The following GALNT17 variants were observed in gnomAD, a reference collection of about 807,000 sequenced individuals.
GALNT17 encodes the protein polypeptide N-acetylgalactosaminyltransferase 17.
Under a neutral mutation model 63.7 loss-of-function variants are expected in GALNT17, and 29 were observed. The ratio of observed to expected loss-of-function variants is 0.46; its 90% CI spans 0.34 to 0.62. The LOEUF is 0.62. Ranked by LOEUF, GALNT17 falls within the 20% of genes least tolerant of loss-of-function variation. The probability of loss-of-function intolerance (pLI) is 0.01; values close to 1 mark genes in which losing one functional copy is unlikely to be tolerated. For missense variants in GALNT17, 603 were observed against 799.6 expected (o/e 0.75, Z 2.97); for synonymous variants, 305 against 318.3 (o/e 0.96, Z 0.45).
intron 5 of GALNT17, among the ~76,000 whole-genome samples, chr7:71,499,884 C>G (rs1201711951): frequency 6.6e-6 from 1 of 152,134 alleles, no homozygotes; most frequent in Non-Finnish European, 1.5e-5. Context: ...GTGGTTACCC[C>G]CATGCTGCTG....
At chr7:71,529,592 G>C (rs1788681154) in intron 5 of GALNT17, among the ~76,000 whole-genome samples, 2 of 152,238 alleles carry the variant, frequency 1.3e-5, no homozygotes, top group Admixed American at 1.3e-4. Context: ...GGGATACCAA[G>C]CTTCCATTTG....
At position 71,696,672 on chromosome 7, in the gene GALNT17, A is replaced by G. The variant is rs1047715837; in HGVS notation, c.1501-14089A>G. Among the ~76,000 whole-genome samples the G allele has an allele frequency of 3.9e-5, 6 of 152,182 alleles. No individual in the cohort carries two copies. In the South Asian group the frequency reaches 1.2e-3, roughly 32 times the overall value. On this transcript the variant is annotated intron_variant, in intron 9 of 10. Transcript: ENST00000333538. ...TGTATGTGTCTCTTAGATCATCTCAAATGGAAAATTCTTTCCCCCTAAATG... is the reference window on the plus strand; with the variant it reads ...TGTATGTGTCTCTTAGATCATCTCAGATGGAAAATTCTTTCCCCCTAAATG...
In GALNT17 at chr7:71,534,981, G is replaced by C. The variant is rs2116790491; in HGVS notation, c.963-36304G>C. On this transcript the variant is annotated intron_variant, in intron 5 of 10. Transcript: ENST00000333538. ...CAGCTGGTTGTTTCTGGGAGTTTCAGGGTCTTAAATTCTGTACAAAGAGAG... is the reference window on the plus strand; with the variant it reads ...CAGCTGGTTGTTTCTGGGAGTTTCACGGTCTTAAATTCTGTACAAAGAGAG... Among the ~76,000 whole-genome samples the C allele has an allele frequency of 2.0e-5, 3 of 152,236 alleles. No homozygotes were observed. The South Asian group carries it at 6.2e-4, about 32-fold the overall frequency.
intron 2 of GALNT17, among the ~76,000 whole-genome samples, chr7:71,367,540 T>G (rs568745553): frequency 1.5e-4 from 23 of 152,162 alleles, no homozygotes; most frequent in African/African-American, 7.2e-5. Flanking sequence ...TCTATGTGGT[T>G]GTTTGCCTTT....
intron 5 of GALNT17, among the ~76,000 whole-genome samples, chr7:71,548,984 A>G (rs1198709666): frequency 6.6e-6 from 1 of 152,092 alleles, no homozygotes; most frequent in Non-Finnish European, 1.5e-5. Context: ...TGTGGGAGAA[A>G]CAGCTTTGCT....
intron 2 of GALNT17, among the ~76,000 whole-genome samples, chr7:71,346,215 T>C (rs1002004142): frequency 5.3e-5 from 8 of 151,340 alleles, no homozygotes; most frequent in African/African-American, 1.7e-4. Context: ...TGTGTGTATA[T>C]ATATTTATAT....
intron 1 of GALNT17, among the ~76,000 whole-genome samples, chr7:71,162,119 C>T (rs62459643): frequency 0.017 from 586 of 34,294 alleles, 12 homozygotes; most frequent in African/African-American, 0.084. Context: ...CTCCCTCCCT[C>T]CCTCCCTTCC....
intron 5 of GALNT17, among the ~76,000 whole-genome samples, chr7:71,467,819 A>G (rs1466437696): frequency 6.6e-6 from 1 of 152,166 alleles, no homozygotes; most frequent in African/African-American, 2.4e-5. Context: ...TGAATTTCAA[A>G]TCCAGGAAAA....
chr7:71,223,972 C>G (rs912836279), intron 1 of GALNT17, among the ~76,000 whole-genome samples: 2 of 152,082 alleles, frequency 1.3e-5, no homozygotes, highest in African/African-American at 4.8e-5. Context: ...CATTGATAGG[C>G]ATTTAGGTTG....
In GALNT17 at chr7:71,607,180, A is replaced by G. The variant is rs571622295; in HGVS notation, c.1080+35778A>G. Among the ~76,000 whole-genome samples, 8 of 152,290 alleles carry G rather than the reference A, an allele frequency of 5.3e-5. No individual in the cohort carries two copies. The South Asian group carries it at 1.7e-3, about 32-fold the overall frequency. On this transcript the variant is annotated intron_variant, in intron 6 of 10. Coordinates refer to ENST00000333538, the MANE Select transcript of GALNT17 (RefSeq NM_022479.3). ...GAGTGAGACCCTACCTAAGAGAAAA[A>G]AAGGAAAATACAAATTGATACCCAA...
chr7:71,465,619 A>G (rs76834575), intron 5 of GALNT17, among the ~76,000 whole-genome samples: 1 of 152,284 alleles, frequency 6.6e-6, no homozygotes, highest in East Asian at 1.9e-4. Context: ...ATCTCCTCCT[A>G]CTGTGTCCAA....
intron 5 of GALNT17, among the ~76,000 whole-genome samples, chr7:71,551,082 C>CA (rs1356159646): frequency 7.9e-5 from 12 of 152,086 alleles, no homozygotes; most frequent in African/African-American, 2.4e-4. Flanking sequence ...TGGGATTTCA[C>CA]AAACTGGTGT....
At chr7:71,196,869 G>T (rs1789059358) in intron 1 of GALNT17, among the ~76,000 whole-genome samples, 1 of 152,014 alleles carries the variant, frequency 6.6e-6, no homozygotes, top group Non-Finnish European at 1.5e-5. Flanking sequence ...GGCCAGGCTG[G>T]TCTCAAACTC....
At chr7:71,685,485 A>G (rs1054457437) in intron 9 of GALNT17, 2 of 152,232 alleles carry the variant, frequency 1.3e-5, no homozygotes, top group Non-Finnish European at 1.5e-5. Context: ...TTGTCAATCC[A>G]CAACTATTTA....
intron 1 of GALNT17, among the ~76,000 whole-genome samples, chr7:71,297,270 C>T (rs894511163): frequency 5.3e-5 from 8 of 152,232 alleles, no homozygotes; most frequent in African/African-American, 1.9e-4. Context: ...GGGCCGGGCA[C>T]AGTGGCTCAT....
intron 6 of GALNT17, among the ~76,000 whole-genome samples, chr7:71,641,151 A>G (rs545143932): frequency 7.2e-5 from 11 of 152,336 alleles, no homozygotes; most frequent in African/African-American, 2.6e-4. Flanking sequence ...GTATCCCAAT[A>G]ACCATGATCT....
At chr7:71,468,529 G>T (rs1381524554) in intron 5 of GALNT17, among the ~76,000 whole-genome samples, 1 of 152,066 alleles carries the variant, frequency 6.6e-6, no homozygotes, top group Non-Finnish European at 1.5e-5. Flanking sequence ...TGATTGTCCT[G>T]CCTCAGCCTC....
intron 6 of GALNT17, among the ~76,000 whole-genome samples, chr7:71,611,272 T>A (rs1790120927): frequency 6.6e-6 from 1 of 152,144 alleles, no homozygotes; most frequent in Admixed American, 6.5e-5. Context: ...CTCTACTGTC[T>A]GATTGAAATC....
chr7:71,638,641 C>G (rs1393688303), intron 6 of GALNT17, among the ~76,000 whole-genome samples: 1 of 152,062 alleles, frequency 6.6e-6, no homozygotes, highest in East Asian at 1.9e-4. Flanking sequence ...ATGTGGATGG[C>G]TGGGGAGGTG....
Sources: allele counts gnomAD v4.1 joint callset (sites outside exome capture counted in the v4.1 genomes callset), GRCh38; gene constraint gnomAD v4.1.1; transcripts MANE v1.5; gene names NCBI Gene and HGNC (gene_info 2026-07-23, HGNC 2026-07-21).